Variants in GALNT13 observed in about 807,000 individuals in gnomAD.
The protein encoded by GALNT13 is UDP-GalNAc:polypeptide N-acetylgalactosaminyltransferase 13.
In GALNT13, 28 loss-of-function variants were observed where a neutral mutation model predicts 64.2. The observed-to-expected ratio is 0.44, with a 90% CI of 0.32 to 0.60. The LOEUF (loss-of-function observed/expected upper bound fraction) is 0.60. GALNT13 is among the 20% of genes least tolerant of loss of function. The pLI is 0.05. For synonymous variants in GALNT13, 214 were observed against 224.6 expected, an observed-to-expected ratio of 0.95 and a Z score of 0.42; for missense variants, 577 against 669.8, an observed-to-expected ratio of 0.86 and a Z score of 1.53.
At chr2:153,719,204 G>A in the GALNT13 span, among the ~76,000 whole-genome samples, 1 of 152,268 alleles carries the variant, frequency 6.6e-6, no homozygotes, top group Non-Finnish European at 1.5e-5. Flanking sequence ...GAAAAGGGAA[G>A]ACCAGGAAAA....
intron 3 of GALNT13, among the ~76,000 whole-genome samples, chr2:154,114,990 T>A (rs952923601): frequency 6.6e-5 from 10 of 152,352 alleles, no homozygotes; most frequent in African/African-American, 2.4e-4. Context: ...TTCCCACCGT[T>A]AGATCTGACA....
chr2:154,409,787 C>T (rs1699713021), intron 11 of GALNT13, among the ~76,000 whole-genome samples: 1 of 151,788 alleles, frequency 6.6e-6, no homozygotes, highest in Non-Finnish European at 1.5e-5. Context: ...TTTAGGAGAA[C>T]CAAAAGTTTT....
At chr2:153,701,966 A>G in the GALNT13 span, among the ~76,000 whole-genome samples, 8 of 152,282 alleles carry the variant, frequency 5.3e-5, no homozygotes, top group East Asian at 1.2e-3. Context: ...TTGACCCAGT[A>G]ATCCCATTAC....
the GALNT13 span, among the ~76,000 whole-genome samples, chr2:153,521,374 T>C: frequency 0.36 from 55,325 of 152,066 alleles, 11,049 homozygotes; most frequent in East Asian, 0.76. Flanking sequence ...TACATCAAAT[T>C]TTTAAAAGAC....
At chr2:153,678,640 C>G in the GALNT13 span, among the ~76,000 whole-genome samples, 1 of 151,660 alleles carries the variant, frequency 6.6e-6, no homozygotes, top group Non-Finnish European at 1.5e-5. Flanking sequence ...ACTCAGGTAA[C>G]AAACCTACAC....
At chr2:153,996,494 A>G (rs778501617) in intron 3 of GALNT13, among the ~76,000 whole-genome samples, 3 of 151,928 alleles carry the variant, frequency 2.0e-5, no homozygotes, top group Admixed American at 6.6e-5. Context: ...ATAAATGTCT[A>G]TTCATGCCCT....
the GALNT13 span, among the ~76,000 whole-genome samples, chr2:153,369,238 G>A: frequency 1.3e-5 from 2 of 151,784 alleles, no homozygotes; most frequent in Non-Finnish European, 2.9e-5. Context: ...TCATATATCA[G>A]CTTCCATCAG....
chr2:154,089,809 A>AC, intron 3 of GALNT13, among the ~76,000 whole-genome samples: 1 of 121,120 alleles, frequency 8.3e-6, no homozygotes, highest in South Asian at 2.8e-4. Context: ...TCCAGATATT[A>AC]CCCTTTTTTT....
At chr2:153,849,435 C>T in the GALNT13 span, among the ~76,000 whole-genome samples, 7 of 152,042 alleles carry the variant, frequency 4.6e-5, no homozygotes, top group South Asian at 2.1e-4. Context: ...GCAGCAATGA[C>T]GCAGCAAAAC....
chr2:154,315,383 A>T (rs1694265635), intron 9 of GALNT13, among the ~76,000 whole-genome samples: 1 of 152,218 alleles, frequency 6.6e-6, no homozygotes, highest in Admixed American at 6.5e-5. Flanking sequence ...TGGGATGAAA[A>T]GTTGCATCAG....
intron 2 of GALNT13, among the ~76,000 whole-genome samples, chr2:153,926,915 G>T (rs1233198688): frequency 6.6e-6 from 1 of 152,022 alleles, no homozygotes; most frequent in Non-Finnish European, 1.5e-5. Context: ...CATTAGAGAA[G>T]CACAATGAAA....
chr2:153,204,000 G>C, the GALNT13 span, among the ~76,000 whole-genome samples: 1 of 152,176 alleles, frequency 6.6e-6, no homozygotes. Flanking sequence ...ATATGAAAGA[G>C]ATGAAGAGAT....
intron 3 of GALNT13, among the ~76,000 whole-genome samples, chr2:154,095,971 T>G (rs1476160513): frequency 1.3e-5 from 2 of 152,004 alleles, no homozygotes; most frequent in African/African-American, 4.8e-5. Context: ...GTGGTCTTAT[T>G]AGCAAAGTGC....
chr2:153,415,611 A>G, the GALNT13 span, among the ~76,000 whole-genome samples: 2 of 152,224 alleles, frequency 1.3e-5, no homozygotes, highest in South Asian at 4.1e-4. Context: ...AAATTTTTGA[A>G]CAACACACAA....
intron 3 of GALNT13, among the ~76,000 whole-genome samples, chr2:154,072,540 C>G (rs867070757): frequency 2.0e-4 from 31 of 152,064 alleles, no homozygotes; most frequent in African/African-American, 6.7e-4. Flanking sequence ...TAGCTCATAA[C>G]TATTACTGGT....
chr2:153,301,829 A>G, the GALNT13 span, among the ~76,000 whole-genome samples: 2 of 151,930 alleles, frequency 1.3e-5, no homozygotes, highest in Non-Finnish European at 2.9e-5. Context: ...CCATGTTGTC[A>G]TAAATGACAG....
chr2:153,103,940 C>G, the GALNT13 span, among the ~76,000 whole-genome samples: 1 of 152,126 alleles, frequency 6.6e-6, no homozygotes, highest in Non-Finnish European at 1.5e-5. Context: ...TATACAAACC[C>G]TCTAATGATA....
At chr2:153,374,853 C>A in the GALNT13 span, among the ~76,000 whole-genome samples, 1 of 152,160 alleles carries the variant, frequency 6.6e-6, no homozygotes, top group African/African-American at 2.4e-5. Flanking sequence ...TGCTTTTTCC[C>A]TCACCTCTTC....
At chr2:154,033,551 G>A (rs1415964921) in intron 3 of GALNT13, among the ~76,000 whole-genome samples, 1 of 152,020 alleles carries the variant, frequency 6.6e-6, no homozygotes, top group Non-Finnish European at 1.5e-5. Flanking sequence ...TGGCAAATAA[G>A]CACATGAAAA....
Sources: allele counts gnomAD v4.1 joint callset (sites outside exome capture counted in the v4.1 genomes callset), GRCh38; gene constraint gnomAD v4.1.1; transcripts MANE v1.5; gene names NCBI Gene and HGNC (gene_info 2026-07-23, HGNC 2026-07-21).